Variants in OSBPL3 observed in about 807,000 individuals in gnomAD.
The protein encoded by OSBPL3 is oxysterol binding protein like 3, also known as oxysterol-binding protein-related protein 3.
In OSBPL3, 65 loss-of-function variants were observed where a neutral mutation model predicts 120.1. The ratio of observed to expected loss-of-function variants is 0.54; its 90% CI spans 0.44 to 0.67. OSBPL3 has a LOEUF of 0.67. OSBPL3 is among the 30% of genes least tolerant of loss of function. The pLI is 0.00. For synonymous variants in OSBPL3, 416 were observed against 402.6 expected, an observed-to-expected ratio of 1.03 and a Z score of -0.40; for missense variants, 1,004 against 1,082.1, an observed-to-expected ratio of 0.93 and a Z score of 1.01.
At chr7:24,923,039 C>A (rs1810590177) in intron 1 of OSBPL3, among the ~76,000 whole-genome samples, 1 of 152,194 alleles carries the variant, frequency 6.6e-6, no homozygotes. Flanking sequence ...TACTTCCCCG[C>A]CCCAACACAC....
At position 24,820,085 on chromosome 7, in the gene OSBPL3, T is replaced by C; in HGVS notation, c.1948+90A>G. The stretch of plus-strand genomic sequence containing the variant: ...GCCCAAATCCAAGGACCACTTTTGA[T>C]CTCAGTAAGAATTGACAGCAATTCT... On this transcript the variant is annotated intron_variant, in intron 17 of 22. Transcript: ENST00000313367. The surrounding 1 kb of genome is among the most constrained non-coding windows in gnomAD (Gnocchi z 4.6). 1 of 939,648 alleles carries C rather than the reference T, an allele frequency of 1.1e-6. No homozygotes were observed. The highest frequency in any genetic ancestry group is 1.5e-5 in the South Asian group (1 of 65,978). The allele number at this position is 939,648 out of a possible 1,614,324, so 58.2% of individuals were successfully genotyped here.
In OSBPL3 at chr7:24,834,683, G is replaced by C; in HGVS notation, c.1549C>G (p.Pro517Ala). The C allele has an allele frequency of 6.2e-7, 1 of 1,613,898 alleles. No individual in the cohort carries two copies. ...TTACTGCTGCTCGGGCAGGGCGCCGGCAGGCACGTTCTTCTCCGGGACTTC... is the reference window on the plus strand; with the variant it reads ...TTACTGCTGCTCGGGCAGGGCGCCGCCAGGCACGTTCTTCTCCGGGACTTC... ...EAKSRRRTCLPAPCPSSSNIS... is the reference protein window; with the variant it reads ...EAKSRRRTCLAAPCPSSSNIS... The change falls in exon 15 of 23, where the codon CCG becomes GCG. Residue 517 changes from proline (P) to alanine (A), a missense_variant. Coordinates refer to ENST00000313367, the MANE Select transcript of OSBPL3 (RefSeq NM_015550.4). The surrounding 1 kb of genome is among the most constrained non-coding windows in gnomAD (Gnocchi z 5.2).
intron 1 of OSBPL3, among the ~76,000 whole-genome samples, chr7:24,969,387 G>A (rs1406593635): frequency 6.6e-6 from 1 of 152,140 alleles, no homozygotes; most frequent in African/African-American, 2.4e-5. Context: ...GTAGGTCTTT[G>A]TGATATGCAT....
chr7:24,864,615 T>C (rs1422424144), intron 7 of OSBPL3, among the ~76,000 whole-genome samples: 1 of 152,222 alleles, frequency 6.6e-6, no homozygotes, highest in African/African-American at 2.4e-5. Flanking sequence ...CTTTCTCTAA[T>C]AGTGGTTCTC....
chr7:24,848,619 G>A (rs1798726822), intron 12 of OSBPL3, among the ~76,000 whole-genome samples: 1 of 151,778 alleles, frequency 6.6e-6, no homozygotes, highest in South Asian at 2.1e-4. Context: ...TTCTATAAAA[G>A]AAAAAGAAAA....
At chr7:24,825,486 A>G (rs539184526) in intron 16 of OSBPL3, among the ~76,000 whole-genome samples, 2 of 152,240 alleles carry the variant, frequency 1.3e-5, no homozygotes, top group Non-Finnish European at 2.9e-5. Flanking sequence ...AAAAAATTAA[A>G]AAACAAAAAC....
intron 22 of OSBPL3, among the ~76,000 whole-genome samples, chr7:24,801,093 T>C (rs1324280728): frequency 2.6e-5 from 4 of 151,602 alleles, no homozygotes; most frequent in Admixed American, 2.0e-4. Context: ...ATACAAAAAT[T>C]AGCCGGGCAT....
At chr7:24,886,594 C>G (rs537684403) in intron 2 of OSBPL3, among the ~76,000 whole-genome samples, 5 of 152,246 alleles carry the variant, frequency 3.3e-5, no homozygotes, top group Non-Finnish European at 4.4e-5. Flanking sequence ...AAATTCAGTC[C>G]GACGATTTGT....
intron 10 of OSBPL3, among the ~76,000 whole-genome samples, chr7:24,856,283 T>C (rs904158877): frequency 1.3e-5 from 2 of 152,194 alleles, no homozygotes; most frequent in Non-Finnish European, 2.9e-5. Flanking sequence ...CAAGTGACTC[T>C]TGGTGGTCAC....
At chr7:24,837,828 A>G (rs933880744) in intron 14 of OSBPL3, among the ~76,000 whole-genome samples, 1 of 152,218 alleles carries the variant, frequency 6.6e-6, no homozygotes, top group Non-Finnish European at 1.5e-5. Context: ...GGGGCTAACC[A>G]AGGAAGTCTG....
rs571837163 is a variant in OSBPL3 at position 24,948,068 on chromosome 7, A to G, written c.-150+31818T>C. 1.2e-4 allele frequency among the ~76,000 whole-genome samples: 19 copies of G among 152,336 alleles called. 1 individual carries two copies. Among genetic ancestry groups the G allele is most frequent in the African/African-American group, 4.1e-4 (17 of 41,568 alleles). ...CAGCAAGCTCACAGACCTATATAGA[A>G]ATCCCTTGAGCTGGAGCTAACAACA... On this transcript the variant is annotated intron_variant, in intron 1 of 22. Transcript: ENST00000313367.
intron 9 of OSBPL3, 88 bp from the exon 10 acceptor site, chr7:24,861,857 C>A (rs1243893726): frequency 3.4e-4 from 223 of 658,490 alleles, no homozygotes; most frequent in Non-Finnish European, 4.7e-4. Context: ...CATGGTAATA[C>A]AAATACAAAA....
At chr7:24,841,752 T>TC (rs1425120702) in intron 13 of OSBPL3, among the ~76,000 whole-genome samples, 4 of 131,884 alleles carry the variant, frequency 3.0e-5, no homozygotes, top group African/African-American at 5.6e-5. Context: ...ACGCCTGTAA[T>TC]CCCAGCACTT....
rs1231140679 is a variant in OSBPL3, at chr7:24,891,620, G to A, written c.96+757C>T. On this transcript the variant is annotated intron_variant, in intron 2 of 22. Transcript: ENST00000313367. The surrounding 1 kb of genome is among the most constrained non-coding windows in gnomAD (Gnocchi z 4.1). Reference sequence around the variant, plus strand: ...CATTCTCTCTCCATCTAACTGCTGGGGGAAGAATTATAATGATTAATGTGC... The same window carrying A: ...CATTCTCTCTCCATCTAACTGCTGGAGGAAGAATTATAATGATTAATGTGC... Among the ~76,000 whole-genome samples, 2 of 152,138 alleles carry A rather than the reference G, an allele frequency of 1.3e-5. No homozygotes were observed. Among genetic ancestry groups the A allele is most frequent in the Non-Finnish European group, 2.9e-5 (2 of 68,034 alleles).
Position 24,827,942 on chromosome 7 carries a change from TTA to T in OSBPL3, c.1884+2824_1884+2825del, listed in dbSNP as rs1255217175. On this transcript the variant is annotated intron_variant, in intron 16 of 22. Transcript: ENST00000313367. This position sits in a 1 kb window ranked among gnomAD's most constrained non-coding sequence, Gnocchi z 5.1. ...TTATTTGAACATAAGAAAGTATATA[TTA>T]TAGATATATGCCTTTCTAGTTTTCT... 6.6e-6 allele frequency among the ~76,000 whole-genome samples: 1 copy of T among 152,242 alleles called. No individual in the cohort carries two copies. The highest frequency in any genetic ancestry group is 1.5e-5 in the Non-Finnish European group (1 of 68,046).
At chr7:24,949,181 T>C (rs1025711540) in intron 1 of OSBPL3, among the ~76,000 whole-genome samples, 4 of 152,250 alleles carry the variant, frequency 2.6e-5, no homozygotes, top group Non-Finnish European at 5.9e-5. Context: ...TTTTACACAC[T>C]GTATAACCTG....
rs1446885078 is a variant in OSBPL3, at chr7:24,863,467, A to AAGAC, written c.777+28_777+29insGTCT. 6.4e-7 allele frequency: 1 copy of AAGAC among 1,551,762 alleles called. No individual in the cohort carries two copies. Among genetic ancestry groups the AAGAC allele is most frequent in the South Asian group, 1.1e-5 (1 of 89,906 alleles). ...AGAAAGGAAAGCAGAAGAGGGCCAG[A>AAGAC]ATGTCAACAGAAGAGGAGTCCGGCT... On this transcript the variant is annotated intron_variant, in intron 8 of 22. Coordinates refer to ENST00000313367, the MANE Select transcript of OSBPL3 (RefSeq NM_015550.4). This position sits in a 1 kb window ranked among gnomAD's most constrained non-coding sequence, Gnocchi z 5.8.
At chr7:24,917,101 T>G (rs1008139602) in intron 1 of OSBPL3, among the ~76,000 whole-genome samples, 1 of 152,044 alleles carries the variant, frequency 6.6e-6, no homozygotes, top group African/African-American at 2.4e-5. Flanking sequence ...CAAGAATGCA[T>G]TCCAGTGACA....
At chr7:24,892,106 T>G (rs749393420) in intron 2 of OSBPL3, among the ~76,000 whole-genome samples, 8 of 152,146 alleles carry the variant, frequency 5.3e-5, no homozygotes, top group Admixed American at 3.3e-4. Context: ...AGCTTCCTCA[T>G]GGGGAAAATG....
Sources: gnomAD v4.1 joint callset for allele counts (sites outside exome capture counted in the v4.1 genomes callset) on GRCh38, gnomAD v4.1.1 for gene constraint, Gnocchi (gnomAD v3.1) non-coding constraint, MANE v1.5 for transcripts, NCBI Gene and HGNC (gene_info 2026-07-23, HGNC 2026-07-21) for gene names.